Variants in PTPRO observed in about 807,000 individuals in gnomAD.
The protein encoded by PTPRO is receptor-type tyrosine-protein phosphatase O.
In PTPRO, 62 loss-of-function variants were observed where a neutral mutation model predicts 145.2. The ratio of observed to expected loss-of-function variants is 0.43; its 90% CI spans 0.35 to 0.53. The LOEUF (loss-of-function observed/expected upper bound fraction) is 0.53. Ranked by LOEUF, PTPRO falls within the 20% of genes least tolerant of loss-of-function variation. The pLI is 0.01. For synonymous variants in PTPRO, 565 were observed against 514.7 expected, an observed-to-expected ratio of 1.10 and a Z score of -1.32; for missense variants, 1,345 against 1,482.7, an observed-to-expected ratio of 0.91 and a Z score of 1.53.
At chr12:15,533,130 A>G (rs1361166525) in intron 12 of PTPRO, among the ~76,000 whole-genome samples, 1 of 152,194 alleles carries the variant, frequency 6.6e-6, no homozygotes, top group Non-Finnish European at 1.5e-5. Flanking sequence ...TAGTTTCCCA[A>G]ACTTATCAAA....
At chr12:15,333,807 C>A (rs1293684729) in intron 1 of PTPRO, among the ~76,000 whole-genome samples, 1 of 151,554 alleles carries the variant, frequency 6.6e-6, no homozygotes, top group Non-Finnish European at 1.5e-5. Context: ...CCTTTTTTTT[C>A]TCTTTATTTT....
intron 1 of PTPRO, among the ~76,000 whole-genome samples, chr12:15,386,352 A>G (rs943672324): frequency 1.3e-5 from 2 of 152,210 alleles, no homozygotes; most frequent in African/African-American, 4.8e-5. Flanking sequence ...AGAACAAAAA[A>G]TAACTTCTAC....
Position 15,473,193 on chromosome 12 carries a change from C to T in PTPRO, c.76-10781C>T, listed in dbSNP as rs140754836. On this transcript the variant is annotated intron_variant, in intron 1 of 26. Coordinates refer to ENST00000281171, the MANE Select transcript of PTPRO (RefSeq NM_030667.3). ...AGTAGGTGTCATCTGGACTGTCATT[C>T]AAATTCGATAACTAATAACACTTCA... 4.1e-3 allele frequency among the ~76,000 whole-genome samples: 622 copies of T among 152,286 alleles called. 2 individuals are homozygous for T. Among genetic ancestry groups the T allele is most frequent in the Middle Eastern group, 6.8e-3 (2 of 294 alleles).
intron 23 of PTPRO, 38 bp from the exon 24 acceptor site, chr12:15,586,859 G>GA: frequency 1.2e-6 from 2 of 1,613,442 alleles, no homozygotes; most frequent in Non-Finnish European, 1.7e-6. Flanking sequence ...ACAGTGAACT[G>GA]AAAAATTAAT....
chr12:15,325,484 C>G (rs193137547), intron 1 of PTPRO, among the ~76,000 whole-genome samples: 3 of 152,272 alleles, frequency 2.0e-5, no homozygotes, highest in Admixed American at 2.0e-4. Context: ...CATAATTTAT[C>G]TTGCCTAAAC....
chr12:15,509,177 G>A (rs1444213318), intron 7 of PTPRO, among the ~76,000 whole-genome samples: 2 of 152,144 alleles, frequency 1.3e-5, no homozygotes, highest in African/African-American at 4.8e-5. Flanking sequence ...AGAGTCCAGA[G>A]GAGTTCACGG....
chr12:15,424,821 G>C (rs1170262092), intron 1 of PTPRO, among the ~76,000 whole-genome samples: 1 of 152,020 alleles, frequency 6.6e-6, no homozygotes, highest in African/African-American at 2.4e-5. Flanking sequence ...TGATTGACAG[G>C]TCAACGTGGC....
At chr12:15,450,177 G>A (rs920572959) in intron 1 of PTPRO, among the ~76,000 whole-genome samples, 4 of 152,104 alleles carry the variant, frequency 2.6e-5, no homozygotes, top group Non-Finnish European at 4.4e-5. Context: ...CTATGGCAGT[G>A]GCCTGCATTC....
rs374745152 is a variant in PTPRO, at chr12:15,454,361, C to A, written c.76-29613C>A. 4.3e-4 allele frequency among the ~76,000 whole-genome samples: 65 copies of A among 152,152 alleles called. 1 individual carries two copies. The South Asian group carries it at 0.012, about 28-fold the overall frequency. ...GGTTTTTTGGCCACGTGTATGTCTT[C>A]TTTAGAAAAAAATGTCTATTTAAGG... On this transcript the variant is annotated intron_variant, in intron 1 of 26. Coordinates refer to ENST00000281171, the MANE Select transcript of PTPRO (RefSeq NM_030667.3).
At chr12:15,415,647 A>G (rs1939949696) in intron 1 of PTPRO, among the ~76,000 whole-genome samples, 1 of 151,756 alleles carries the variant, frequency 6.6e-6, no homozygotes. Context: ...GGCCTCCCAA[A>G]GTGCTGGGAT....
intron 6 of PTPRO, among the ~76,000 whole-genome samples, chr12:15,504,630 GC>G (rs113284845): frequency 0.011 from 1,643 of 152,266 alleles, 26 homozygotes; most frequent in African/African-American, 0.037. Flanking sequence ...TCTGAAGGTT[GC>G]ACAAACAGTG....
At chr12:15,546,318 A>G in intron 12 of PTPRO, 1 of 1,315,018 alleles carries the variant, frequency 7.6e-7, no homozygotes, top group Non-Finnish European at 9.7e-7. Flanking sequence ...CTATGATGAA[A>G]CTGAAGTAGA....
At chr12:15,454,205 G>T (rs1316281627) in intron 1 of PTPRO, among the ~76,000 whole-genome samples, 1 of 152,102 alleles carries the variant, frequency 6.6e-6, no homozygotes, top group Non-Finnish European at 1.5e-5. Context: ...AGGGTAAAAA[G>T]GTTCCAATTT....
In PTPRO at chr12:15,597,583, A is replaced by C. The variant is rs988407973; in HGVS notation, c.*1510A>C. Among the ~76,000 whole-genome samples, 4 of 152,238 alleles carry C rather than the reference A, an allele frequency of 2.6e-5. No individual in the cohort carries two copies. Among genetic ancestry groups the C allele is most frequent in the Non-Finnish European group, 5.9e-5 (4 of 68,014 alleles). The stretch of plus-strand genomic sequence containing the variant: ...AAGGATGCCAAATGAACAGCTCTGC[A>C]CCCCACCGTCTCTTGTCACTGAAAA... On this transcript the variant is annotated 3_prime_UTR_variant, in exon 27 of 27. Coordinates refer to ENST00000281171, the MANE Select transcript of PTPRO (RefSeq NM_030667.3).
intron 2 of PTPRO, 117 bp from the exon 3 acceptor site, chr12:15,497,128 C>A: frequency 1.1e-6 from 1 of 920,670 alleles, no homozygotes; most frequent in Non-Finnish European, 1.8e-6. Context: ...TGCCCACAGA[C>A]AGTGAAAATT....
chr12:15,393,204 A>G (rs1939239132), intron 1 of PTPRO, among the ~76,000 whole-genome samples: 1 of 152,192 alleles, frequency 6.6e-6, no homozygotes, highest in Admixed American at 6.5e-5. Flanking sequence ...ATTAACCAGT[A>G]AAACTAACAT....
At chr12:15,356,781 C>G (rs1268515816) in intron 1 of PTPRO, among the ~76,000 whole-genome samples, 1 of 152,102 alleles carries the variant, frequency 6.6e-6, no homozygotes, top group Non-Finnish European at 1.5e-5. Flanking sequence ...ATAGTGATTG[C>G]TCAGAAATGT....
chr12:15,375,045 G>A (rs1034732590), intron 1 of PTPRO, among the ~76,000 whole-genome samples: 10 of 152,320 alleles, frequency 6.6e-5, no homozygotes, highest in East Asian at 3.9e-4. Flanking sequence ...CTGGTTCACA[G>A]TATTCTAAAA....
At position 15,508,822 on chromosome 12, in the gene PTPRO, C is replaced by T. The variant is rs536738526; in HGVS notation, c.1464+55C>T. The T allele has an allele frequency of 1.0e-4, 155 of 1,556,926 alleles. No individual in the cohort carries two copies. In the African/African-American group the frequency reaches 1.7e-3, roughly 17 times the overall value. On this transcript the variant is annotated intron_variant, in intron 7 of 26. Transcript: ENST00000281171. Reference sequence around the variant, plus strand: ...CCGGTCCTTCCTAAGCACAACCTTACAGGGCAATGCCAAGGAGGCAATTGT... The same window carrying T: ...CCGGTCCTTCCTAAGCACAACCTTATAGGGCAATGCCAAGGAGGCAATTGT...
Sources: allele counts gnomAD v4.1 joint callset (sites outside exome capture counted in the v4.1 genomes callset), GRCh38; gene constraint gnomAD v4.1.1; transcripts MANE v1.5; gene names NCBI Gene and HGNC (gene_info 2026-07-23, HGNC 2026-07-21).